Variants in SLC35F3 observed in about 807,000 individuals in gnomAD.
SLC35F3 encodes putative thiamine transporter SLC35F3.
SLC35F3 carries 25 observed loss-of-function variants against 49.9 expected under a neutral mutation model. The ratio of observed to expected loss-of-function variants is 0.50; its 90% CI spans 0.37 to 0.70. The LOEUF is 0.70. SLC35F3 is among the 30% of genes least tolerant of loss of function. SLC35F3 has a pLI of 0.00. For synonymous variants in SLC35F3, 275 were observed against 265.4 expected (o/e 1.04, Z -0.35); for missense variants, 525 against 639.8 (o/e 0.82, Z 1.94).
At chr1:234,040,258 CCT>C (rs1235315366) in intron 2 of SLC35F3, among the ~76,000 whole-genome samples, 21 of 152,130 alleles carry the variant, frequency 1.4e-4, no homozygotes, top group African/African-American at 4.8e-4. Context: ...AGTTTCTCTC[CCT>C]GACATCCAGC....
intron 2 of SLC35F3, among the ~76,000 whole-genome samples, chr1:234,107,025 A>C (rs1271215969): frequency 6.6e-6 from 1 of 152,198 alleles, no homozygotes; most frequent in Non-Finnish European, 1.5e-5. Flanking sequence ...CAAACTCAAA[A>C]TCTCAGTGTC....
intron 2 of SLC35F3, among the ~76,000 whole-genome samples, chr1:234,059,579 A>C (rs985043463): frequency 4.6e-5 from 7 of 152,020 alleles, no homozygotes; most frequent in South Asian, 2.1e-4. Context: ...AGAGGTAGAG[A>C]TAGAGCTAGA....
intron 4 of SLC35F3, among the ~76,000 whole-genome samples, chr1:234,315,265 A>C (rs77922920): frequency 0.018 from 2,814 of 152,338 alleles, 40 homozygotes; most frequent in South Asian, 0.078. Flanking sequence ...ATAAGGTATA[A>C]CCTAAGAGAA....
chr1:234,202,086 A>G (rs1335741879), intron 2 of SLC35F3, among the ~76,000 whole-genome samples: 3 of 152,198 alleles, frequency 2.0e-5, no homozygotes, highest in Non-Finnish European at 4.4e-5. Flanking sequence ...AAGGAAAAAG[A>G]TCACGTCCTT....
intron 2 of SLC35F3, among the ~76,000 whole-genome samples, chr1:234,052,350 A>C (rs1258378919): frequency 6.6e-6 from 1 of 152,018 alleles, no homozygotes; most frequent in Non-Finnish European, 1.5e-5. Context: ...TCCGCTTCTT[A>C]CTGGTTTAGT....
Position 234,323,296 on chromosome 1 carries a change from G to A in SLC35F3, c.*53G>A, listed in dbSNP as rs1657677343. 2.0e-6 allele frequency: 3 copies of A among 1,523,008 alleles called. No individual in the cohort carries two copies. Among genetic ancestry groups the A allele is most frequent in the South Asian group, 1.2e-5 (1 of 85,204 alleles). 94.3% of individuals were successfully genotyped at this position (1,523,008 alleles called of 1,614,324 possible). A position where few individuals can be genotyped will look rare whatever the true frequency, so the allele number is the denominator to read the frequency against. ...TGACTGGGAGGTCTATTCCTGCCGGGAGGAACCTCAGTTGGGTAAGGTGTA... is the reference window on the plus strand; with the variant it reads ...TGACTGGGAGGTCTATTCCTGCCGGAAGGAACCTCAGTTGGGTAAGGTGTA... On this transcript the variant is annotated 3_prime_UTR_variant, in exon 8 of 8. Transcript: ENST00000366618. The surrounding 1 kb of genome is among the most constrained non-coding windows in gnomAD (Gnocchi z 4.5).
intron 2 of SLC35F3, among the ~76,000 whole-genome samples, chr1:234,050,588 G>GC (rs1384629769): frequency 3.9e-5 from 6 of 152,240 alleles, no homozygotes; most frequent in African/African-American, 1.4e-4. Flanking sequence ...TCTGTAAGTT[G>GC]CCTGTTCACT....
intron 2 of SLC35F3, among the ~76,000 whole-genome samples, chr1:234,059,223 G>T (rs770398987): frequency 1.3e-4 from 20 of 150,300 alleles, no homozygotes; most frequent in Non-Finnish European, 2.5e-4. Context: ...TTTAGGTTTG[G>T]TTCTTTTCTC....
chr1:233,935,189 C>CTTTTTTTTTTTTTTTTTT (rs35418747), intron 2 of SLC35F3, among the ~76,000 whole-genome samples: 7 of 50,310 alleles, frequency 1.4e-4, no homozygotes, highest in Admixed American at 3.7e-4. Context: ...TTTCCTTGCC[C>CTTTTTTTTTTTTTTTTTT]TTTTTTTTTT....
intron 2 of SLC35F3, among the ~76,000 whole-genome samples, chr1:234,098,817 GTCA>G (rs1558228994): frequency 2.7e-5 from 4 of 147,980 alleles, no homozygotes; most frequent in Non-Finnish European, 4.5e-5. Context: ...GTGTTATAGG[GTCA>G]TGATGGAGGT....
chr1:234,253,947 C>A (rs939144643), intron 3 of SLC35F3, among the ~76,000 whole-genome samples: 1 of 152,188 alleles, frequency 6.6e-6, no homozygotes, highest in Non-Finnish European at 1.5e-5. Flanking sequence ...AGGAGAACCA[C>A]TTCCCTATTA....
chr1:233,941,697 T>C (rs1662423354), intron 2 of SLC35F3, among the ~76,000 whole-genome samples: 2 of 152,070 alleles, frequency 1.3e-5, no homozygotes, highest in Admixed American at 6.6e-5. Flanking sequence ...CTGCAATTGC[T>C]CAGAGCATTT....
intron 2 of SLC35F3, among the ~76,000 whole-genome samples, chr1:234,047,373 GC>G (rs1664306574): frequency 6.6e-6 from 1 of 152,156 alleles, no homozygotes; most frequent in Non-Finnish European, 1.5e-5. Flanking sequence ...AAAGCAGATT[GC>G]TTTATTCAGT....
chr1:234,101,610 TAA>T (rs1202115931), intron 2 of SLC35F3, among the ~76,000 whole-genome samples: 1 of 152,222 alleles, frequency 6.6e-6, no homozygotes, highest in African/African-American at 2.4e-5. Flanking sequence ...AGTAAGTGCT[TAA>T]AAAATGTTGG....
At chr1:234,152,481 G>T (rs1315637946) in intron 2 of SLC35F3, among the ~76,000 whole-genome samples, 4 of 152,064 alleles carry the variant, frequency 2.6e-5, no homozygotes, top group Non-Finnish European at 5.9e-5. Flanking sequence ...TGCAGTGTTT[G>T]GTTTTCTGTT....
chr1:234,022,748 G>A (rs1467269466), intron 2 of SLC35F3, among the ~76,000 whole-genome samples: 2 of 152,076 alleles, frequency 1.3e-5, no homozygotes, highest in African/African-American at 4.8e-5. Context: ...CAGAAAAAAA[G>A]GCATATTTCT....
chr1:234,308,773 G>GA (rs569216436), intron 3 of SLC35F3, among the ~76,000 whole-genome samples: 9 of 151,066 alleles, frequency 6.0e-5, no homozygotes, highest in Non-Finnish European at 1.2e-4. Context: ...CTCAGCAAGT[G>GA]ACAGAATCCC....
chr1:233,973,265 G>C (rs538471309), intron 2 of SLC35F3, among the ~76,000 whole-genome samples: 1 of 152,276 alleles, frequency 6.6e-6, no homozygotes, highest in African/African-American at 2.4e-5. Context: ...TTCACAGTCT[G>C]GGCACCTCTA....
intron 3 of SLC35F3, among the ~76,000 whole-genome samples, chr1:234,241,922 C>T (rs1667560204): frequency 6.6e-6 from 1 of 152,252 alleles, no homozygotes; most frequent in Non-Finnish European, 1.5e-5. Context: ...GTTCATCATC[C>T]AGTCTTCCTT....
Sources: allele counts gnomAD v4.1 joint callset (sites outside exome capture counted in the v4.1 genomes callset), GRCh38; gene constraint gnomAD v4.1.1; non-coding constraint Gnocchi (gnomAD v3.1); transcripts MANE v1.5; gene names NCBI Gene and HGNC (gene_info 2026-07-23, HGNC 2026-07-21).